Variants in IQSEC1 observed in about 807,000 individuals in gnomAD.
IQSEC1 encodes IQ motif and Sec7 domain ArfGEF 1.
A neutral mutation model predicts 91.0 loss-of-function variants in IQSEC1; 31 were observed. That is an observed-to-expected ratio of 0.34 (90% CI 0.26 to 0.46). The LOEUF (loss-of-function observed/expected upper bound fraction) is 0.46, where lower values mean the gene tolerates loss of function less well. Ranked by LOEUF, IQSEC1 falls within the 20% of genes least tolerant of loss-of-function variation. The pLI, the probability that IQSEC1 is intolerant of heterozygous loss-of-function variation, is 1.00. For synonymous variants in IQSEC1, 699 were observed against 662.6 expected (o/e 1.05, Z -0.84); for missense variants, 1,388 against 1,575.6 (o/e 0.88, Z 2.02).
intron 2 of IQSEC1, among the ~76,000 whole-genome samples, chr3:13,134,201 C>T (rs773179336): frequency 2.6e-5 from 4 of 152,186 alleles, no homozygotes; most frequent in Non-Finnish European, 4.4e-5. Context: ...GGCCAGTTGC[C>T]CCTCGTCAGG....
At chr3:13,162,978 C>G (rs940907252) in intron 2 of IQSEC1, among the ~76,000 whole-genome samples, 1 of 152,104 alleles carries the variant, frequency 6.6e-6, no homozygotes, top group Admixed American at 6.5e-5. Flanking sequence ...CTGGGCTTCA[C>G]CCCTGCACAC....
At chr3:13,194,217 T>C (rs1559274670) in intron 1 of IQSEC1, among the ~76,000 whole-genome samples, 3 of 151,788 alleles carry the variant, frequency 2.0e-5, no homozygotes, top group Non-Finnish European at 4.4e-5. Flanking sequence ...AATTTGGGGG[T>C]GTGTAACTCA....
intron 6 of IQSEC1, 56 bp from the exon 7 acceptor site, chr3:12,915,789 C>G (rs1175744598): frequency 6.3e-7 from 1 of 1,593,076 alleles, no homozygotes; most frequent in Non-Finnish European, 8.6e-7. Context: ...CTCGATTTAC[C>G]AGTTTCTAAA....
intron 10 of IQSEC1, among the ~76,000 whole-genome samples, chr3:12,910,215 T>A (rs1010393030): frequency 6.6e-6 from 1 of 152,214 alleles, no homozygotes; most frequent in Non-Finnish European, 1.5e-5. Context: ...AAAAGATAAC[T>A]GAGCTGGGCC....
At position 13,109,500 on chromosome 3, in the gene IQSEC1, C is replaced by A. The variant is rs142278634; in HGVS notation, c.302+54604G>T. Among the ~76,000 whole-genome samples, 263 of 152,284 alleles carry A rather than the reference C, an allele frequency of 1.7e-3. No homozygotes were observed. In the Middle Eastern group the frequency reaches 0.02, roughly 12 times the overall value. Reference sequence around the variant, plus strand: ...GTGATATTTGTCCCCACCCAAATCTCATGTTGAAATGTCATCCCCAATGCT... The same window carrying A: ...GTGATATTTGTCCCCACCCAAATCTAATGTTGAAATGTCATCCCCAATGCT... On this transcript the variant is annotated intron_variant, in intron 2 of 15. Transcript: ENST00000648114.
chr3:13,104,494 T>C (rs1441812316), intron 2 of IQSEC1, among the ~76,000 whole-genome samples: 1 of 152,218 alleles, frequency 6.6e-6, no homozygotes, highest in Non-Finnish European at 1.5e-5. Flanking sequence ...TTCTGCGGAC[T>C]CTTGCAGCTT....
At chr3:12,943,055 A>G (rs1698902899) in intron 1 of IQSEC1, among the ~76,000 whole-genome samples, 2 of 152,120 alleles carry the variant, frequency 1.3e-5, no homozygotes, top group African/African-American at 2.4e-5. Context: ...CTGTATATAC[A>G]TTTTCTCTAA....
intron 1 of IQSEC1, among the ~76,000 whole-genome samples, chr3:13,226,031 C>G (rs1339449323): frequency 6.6e-6 from 1 of 152,180 alleles, no homozygotes; most frequent in African/African-American, 2.4e-5. Flanking sequence ...CAGGCACCCA[C>G]CACCACGCCT....
chr3:13,071,831 TGCCATCCCCCAAACCAGAGGCCACC>T (rs1705442004), intron 1 of IQSEC1, among the ~76,000 whole-genome samples: 4 of 94,734 alleles, frequency 4.2e-5, no homozygotes, highest in African/African-American at 1.7e-4. Context: ...CAGAGGCCAC[TGCCATCCCCCAAACCAGAGGCCACC>T]GCCATCCCCC....
chr3:13,214,281 T>A lies in IQSEC1; in HGVS notation c.273-50148A>T, dbSNP rs1215246627. On this transcript the variant is annotated intron_variant, in intron 1 of 15. Coordinates refer to the IQSEC1 transcript ENST00000648114. The surrounding 1 kb of genome is among the most constrained non-coding windows in gnomAD (Gnocchi z 4.5). ...GGTGAGACTAACCCTGTCTGAGTCATTAACATCAGCCTTCTGCAGAGGACC... is the reference window on the plus strand; with the variant it reads ...GGTGAGACTAACCCTGTCTGAGTCAATAACATCAGCCTTCTGCAGAGGACC... Among the ~76,000 whole-genome samples, 2 of 152,178 alleles carry A rather than the reference T, an allele frequency of 1.3e-5. No homozygotes were observed. The highest frequency in any genetic ancestry group is 4.8e-5 in the African/African-American group (2 of 41,452).
intron 2 of IQSEC1, among the ~76,000 whole-genome samples, chr3:13,134,904 G>T (rs1014619282): frequency 2.6e-5 from 4 of 152,130 alleles, no homozygotes; most frequent in African/African-American, 9.7e-5. Flanking sequence ...GCAGGCCCGG[G>T]CCTGCCATGA....
At chr3:12,981,340 G>T (rs531468949) in intron 1 of IQSEC1, among the ~76,000 whole-genome samples, 1 of 152,340 alleles carries the variant, frequency 6.6e-6, no homozygotes, top group Non-Finnish European at 1.5e-5. Flanking sequence ...CTGTGTGTAT[G>T]GCATTGCCAC....
chr3:13,228,477 T>C (rs541846352), intron 1 of IQSEC1, among the ~76,000 whole-genome samples: 23 of 152,342 alleles, frequency 1.5e-4, no homozygotes, highest in African/African-American at 5.5e-4. Flanking sequence ...AGGCACCAAA[T>C]GCGTGGTGAA....
At position 12,898,873 on chromosome 3, in the gene IQSEC1, G is replaced by A. The variant is rs1693917895; in HGVS notation, c.*2110C>T. ...CCTCCTCAAAATTGCGAGACAGAGT[G>A]CTTTGGGGAGCCTGGCTTTTAAAAA... On this transcript the variant is annotated 3_prime_UTR_variant, in exon 14 of 14. Transcript: ENST00000613206. The A allele has an allele frequency of 2.6e-5, 4 of 153,984 alleles. No individual in the cohort carries two copies. Among genetic ancestry groups the A allele is most frequent in the African/African-American group, 7.2e-5 (3 of 41,558 alleles). The allele number at this position is 153,984 out of a possible 1,614,324, so 9.5% of individuals were successfully genotyped here. A position where few individuals can be genotyped will look rare whatever the true frequency, so the allele number is the denominator to read the frequency against.
chr3:13,260,696 C>T (rs1475556718), intron 1 of IQSEC1, among the ~76,000 whole-genome samples: 2 of 152,222 alleles, frequency 1.3e-5, no homozygotes. Flanking sequence ...GGACTGAGGA[C>T]ACAGAGACCA....
intron 2 of IQSEC1, among the ~76,000 whole-genome samples, chr3:13,133,661 C>A (rs1310049767): frequency 6.6e-6 from 1 of 152,208 alleles, no homozygotes; most frequent in African/African-American, 2.4e-5. Context: ...GGTTAGCAAA[C>A]TAGTTCAAGG....
intron 1 of IQSEC1, among the ~76,000 whole-genome samples, chr3:12,993,727 G>C (rs1702097937): frequency 6.6e-6 from 1 of 152,230 alleles, no homozygotes; most frequent in Non-Finnish European, 1.5e-5. Flanking sequence ...GTCCCAGAGA[G>C]CGACACCGCA....
rs1340464304 is a variant in IQSEC1, at chr3:12,908,493, G to A, written c.2611C>T (p.Pro871Ser). The A allele has an allele frequency of 5.0e-6, 8 of 1,613,500 alleles. No individual in the cohort carries two copies. The African/African-American group carries it at 1.1e-4, about 22-fold the overall frequency. Residue 871 changes from proline (P) to serine (S), a missense_variant, in exon 12 of 14, where the codon CCC (proline) becomes TCC (serine). Pro to Ser is a moderately conservative substitution (Grantham distance 74). Transcript: ENST00000613206. The surrounding 1 kb of genome is among the most constrained non-coding windows in gnomAD (Gnocchi z 4.9). ...ELEKQKGVVR[P>S]SMSQCSSLKK... ...AGGCTAGAGCACTGGGACATGCTGG[G>A]CCGCACGACGCCTTTCTGCTTCTCG...
intron 1 of IQSEC1, among the ~76,000 whole-genome samples, chr3:13,238,384 C>T (rs1435794342): frequency 6.6e-6 from 1 of 152,194 alleles, no homozygotes; most frequent in Non-Finnish European, 1.5e-5. Context: ...GCACACTTGC[C>T]ATTCCCTCTG....
Sources: allele counts gnomAD v4.1 joint callset (sites outside exome capture counted in the v4.1 genomes callset), GRCh38; gene constraint gnomAD v4.1.1; non-coding constraint Gnocchi (gnomAD v3.1); transcripts MANE v1.5; gene names NCBI Gene and HGNC (gene_info 2026-07-23, HGNC 2026-07-21).